GRM8: variants seen among roughly 807,000 people sequenced by gnomAD.
GRM8 encodes the protein glutamate metabotropic receptor 8, also known as metabotropic glutamate receptor 8.
GRM8 carries 47 observed loss-of-function variants against 87.2 expected under a neutral mutation model. The observed-to-expected ratio is 0.54, with a 90% CI of 0.43 to 0.69. GRM8 has a LOEUF of 0.69. Ranked by LOEUF, GRM8 falls within the 30% of genes least tolerant of loss-of-function variation. The probability of loss-of-function intolerance (pLI) is 0.00; values close to 1 mark genes in which losing one functional copy is unlikely to be tolerated. For missense variants in GRM8, 1,019 were observed against 1,139.2 expected, an observed-to-expected ratio of 0.89 and a Z score of 1.52; for synonymous variants, 396 against 404.5, an observed-to-expected ratio of 0.98 and a Z score of 0.25.
chr7:126,918,147 T>C (rs1372826172), intron 3 of GRM8, among the ~76,000 whole-genome samples: 1 of 152,174 alleles, frequency 6.6e-6, no homozygotes, highest in African/African-American at 2.4e-5. Context: ...ATTTGGCAAC[T>C]GTAAGTAAGA....
intron 2 of GRM8, among the ~76,000 whole-genome samples, chr7:127,181,092 A>G (rs1794410370): frequency 1.3e-5 from 2 of 151,908 alleles, no homozygotes; most frequent in African/African-American, 4.8e-5. Context: ...TACCTTGAAA[A>G]CCCTAAGAAC....
intron 7 of GRM8, among the ~76,000 whole-genome samples, chr7:126,755,885 T>A (rs1816951148): frequency 6.6e-6 from 1 of 152,010 alleles, no homozygotes. Flanking sequence ...TTAATATTCA[T>A]ATGGATTAAT....
rs1230563096 is a variant in GRM8, at chr7:126,807,761, A to AGG, written c.1157-37698_1157-37697dup. 2.6e-5 allele frequency among the ~76,000 whole-genome samples: 4 copies of AGG among 152,284 alleles called. No homozygotes were observed. In the East Asian group the frequency reaches 7.7e-4, roughly 29 times the overall value. On this transcript the variant is annotated intron_variant, in intron 6 of 10. Coordinates refer to ENST00000339582, the MANE Select transcript of GRM8 (RefSeq NM_000845.3). ...AGGCATGTAGGCAATTCTAGAATTT[A>AGG]GGCCTCAGATCTGAGCTGAATTAAA... is the stretch of plus-strand genomic sequence containing the variant.
intron 2 of GRM8, among the ~76,000 whole-genome samples, chr7:127,215,454 C>G (rs1251885649): frequency 6.6e-6 from 1 of 152,044 alleles, no homozygotes; most frequent in East Asian, 1.9e-4. Flanking sequence ...GACCTTGTAA[C>G]AGCGCCCAAG....
intron 9 of GRM8, among the ~76,000 whole-genome samples, chr7:126,471,290 C>T (rs1382485490): frequency 6.6e-6 from 1 of 152,106 alleles, no homozygotes; most frequent in African/African-American, 2.4e-5. Context: ...AATGGTAATG[C>T]CTAGGTTTTC....
At chr7:127,165,036 C>T (rs896477639) in intron 2 of GRM8, among the ~76,000 whole-genome samples, 1 of 150,280 alleles carries the variant, frequency 6.7e-6, no homozygotes, top group South Asian at 2.1e-4. Flanking sequence ...CACTATATAC[C>T]TGGTTTTTTC....
chr7:126,450,676 G>A (rs1265154539), intron 9 of GRM8, among the ~76,000 whole-genome samples: 1 of 151,342 alleles, frequency 6.6e-6, no homozygotes, highest in Non-Finnish European at 1.5e-5. Context: ...GAGTTGTCCT[G>A]TGGGTGGTAA....
chr7:126,636,946 G>C (rs547238154), intron 7 of GRM8, among the ~76,000 whole-genome samples: 300 of 151,932 alleles, frequency 2.0e-3, no homozygotes, highest in African/African-American at 6.9e-3. Context: ...CATCTCAATA[G>C]CAATGATGTT....
At chr7:126,972,815 A>G (rs1188547832) in intron 3 of GRM8, among the ~76,000 whole-genome samples, 2 of 152,228 alleles carry the variant, frequency 1.3e-5, no homozygotes, top group Non-Finnish European at 2.9e-5. Context: ...TAATCCATTC[A>G]TGCTAAGTGC....
At chr7:126,737,262 T>G (rs1046707772) in intron 7 of GRM8, among the ~76,000 whole-genome samples, 1 of 152,002 alleles carries the variant, frequency 6.6e-6, no homozygotes, top group Non-Finnish European at 1.5e-5. Flanking sequence ...CCACCCAAGA[T>G]GGATAAGCTG....
chr7:126,452,243 T>C (rs966257047), intron 9 of GRM8, among the ~76,000 whole-genome samples: 32 of 138,440 alleles, frequency 2.3e-4, no homozygotes, highest in Admixed American at 7.7e-5. Context: ...ATGAGAACAC[T>C]TGGACCCAGG....
intron 2 of GRM8, among the ~76,000 whole-genome samples, chr7:127,157,864 A>G (rs1233458925): frequency 6.6e-6 from 1 of 152,198 alleles, no homozygotes; most frequent in African/African-American, 2.4e-5. Flanking sequence ...TACATCAAAG[A>G]CACCAAAGTG....
At chr7:127,100,762 T>C (rs897937073) in intron 3 of GRM8, among the ~76,000 whole-genome samples, 1 of 151,408 alleles carries the variant, frequency 6.6e-6, no homozygotes, top group African/African-American at 2.4e-5. Flanking sequence ...GATCTCCACC[T>C]TGCCCTACAC....
chr7:126,950,361 A>G (rs919409428), intron 3 of GRM8, among the ~76,000 whole-genome samples: 1 of 152,244 alleles, frequency 6.6e-6, no homozygotes, highest in Non-Finnish European at 1.5e-5. Flanking sequence ...TAAATTATAC[A>G]TCTGTTGTCA....
intron 7 of GRM8, among the ~76,000 whole-genome samples, chr7:126,753,564 T>C (rs1816677827): frequency 6.6e-6 from 1 of 151,876 alleles, no homozygotes; most frequent in Admixed American, 6.6e-5. Context: ...TGATTAACAG[T>C]TAAAATGATT....
intron 8 of GRM8, among the ~76,000 whole-genome samples, chr7:126,598,668 T>C (rs1270426213): frequency 7.0e-6 from 1 of 143,640 alleles, no homozygotes; most frequent in African/African-American, 2.5e-5. Flanking sequence ...TTAAGTAAAA[T>C]AGAAAAAAAA....
intron 7 of GRM8, among the ~76,000 whole-genome samples, chr7:126,650,486 G>T (rs918016061): frequency 6.6e-6 from 1 of 152,122 alleles, no homozygotes; most frequent in Non-Finnish European, 1.5e-5. Flanking sequence ...TCCCCTGTGG[G>T]CAGAACTTCA....
Position 126,606,922 on chromosome 7 carries a change from A to T in GRM8, c.1494+2440T>A, listed in dbSNP as rs77235191. Among the ~76,000 whole-genome samples, 1,106 of 152,314 alleles carry T rather than the reference A, an allele frequency of 7.3e-3. 3 individuals carry two copies. Among genetic ancestry groups the T allele is most frequent in the African/African-American group, 0.024 (1,011 of 41,566 alleles). On this transcript the variant is annotated intron_variant, in intron 8 of 10. Transcript: ENST00000339582. Reference sequence around the variant, plus strand: ...GTATATATGTGTACTTGTGTGTAAAATTATGTTATGTAATGGTGTTGTATG... The same window carrying T: ...GTATATATGTGTACTTGTGTGTAAATTTATGTTATGTAATGGTGTTGTATG...
chr7:127,193,394 C>T (rs1363734923), intron 2 of GRM8, among the ~76,000 whole-genome samples: 1 of 152,170 alleles, frequency 6.6e-6, no homozygotes, highest in Non-Finnish European at 1.5e-5. Flanking sequence ...TGTGGTGAAG[C>T]TTGAAATTTT....
Sources: gnomAD v4.1 joint callset for allele counts (sites outside exome capture counted in the v4.1 genomes callset) on GRCh38, gnomAD v4.1.1 for gene constraint, MANE v1.5 for transcripts, NCBI Gene and HGNC (gene_info 2026-07-23, HGNC 2026-07-21) for gene names.